The following ZNHIT6 variants were observed in gnomAD, a reference collection of about 807,000 sequenced individuals.
ZNHIT6 encodes box C/D snoRNA protein 1.
Under a neutral mutation model 57.2 loss-of-function variants are expected in ZNHIT6, and 45 were observed. The ratio of observed to expected loss-of-function variants is 0.79; its 90% confidence interval spans 0.62 to 1.01. The LOEUF is 1.01. Ranked by LOEUF, ZNHIT6 falls within the 50% of genes least tolerant of loss-of-function variation. The probability of loss-of-function intolerance (pLI) is 0.00; values close to 1 mark genes in which losing one functional copy is unlikely to be tolerated. For missense variants in ZNHIT6, 528 were observed against 567.3 expected, an observed-to-expected ratio of 0.93 and a Z score of 0.70; for synonymous variants, 188 against 190.0, an observed-to-expected ratio of 0.99 and a Z score of 0.09.
chr1:85,689,113 A>C (rs1229934392), intron 5 of ZNHIT6, among the ~76,000 whole-genome samples: 1 of 152,232 alleles, frequency 6.6e-6, no homozygotes, highest in Non-Finnish European at 1.5e-5. Context: ...TGACATCTGG[A>C]AGCAGCGAAT....
At chr1:85,676,062 C>T (rs1006365550) in intron 8 of ZNHIT6, among the ~76,000 whole-genome samples, 2 of 152,120 alleles carry the variant, frequency 1.3e-5, no homozygotes, top group African/African-American at 4.8e-5. Context: ...ACTGGCCGGG[C>T]GCGGTGGCTC....
intron 6 of ZNHIT6, among the ~76,000 whole-genome samples, 167 bp from the exon 7 acceptor site, chr1:85,678,948 C>A (rs1661784635): frequency 6.6e-6 from 1 of 151,880 alleles, no homozygotes; most frequent in Non-Finnish European, 1.5e-5. Context: ...GCAAAAATTA[C>A]TTAGGAAAAA....
intron 5 of ZNHIT6, among the ~76,000 whole-genome samples, chr1:85,697,729 TAAC>T (rs925372417): frequency 2.0e-5 from 3 of 152,150 alleles, no homozygotes; most frequent in African/African-American, 4.8e-5. Context: ...TATTAATAAA[TAAC>T]AACAAACAAA....
chr1:85,668,774 AT>A (rs1211635655), intron 8 of ZNHIT6, among the ~76,000 whole-genome samples: 7 of 152,238 alleles, frequency 4.6e-5, no homozygotes, highest in South Asian at 2.1e-4. Flanking sequence ...GTAAAATGTG[AT>A]TTTAAAAAAA....
chr1:85,707,575 A>G (rs1050743656), intron 1 of ZNHIT6, 54 bp downstream of exon 1: 43 of 1,494,632 alleles, frequency 2.9e-5, no homozygotes, highest in Non-Finnish European at 3.8e-5. Flanking sequence ...CCTTCACTCT[A>G]GACATGAGGA....
At position 85,707,708 on chromosome 1, in the gene ZNHIT6, T is replaced by C. The variant is rs772431316; in HGVS notation, c.577A>G (p.Ile193Val). 1.9e-6 allele frequency: 3 copies of C among 1,610,282 alleles called. No individual in the cohort carries two copies. The South Asian group carries it at 3.3e-5, about 18-fold the overall frequency. ...KEEKDFLKKEIVDDTKVKEEP... is the reference protein window; with the variant it reads ...KEEKDFLKKEVVDDTKVKEEP... ...TCTTTCACCTTTGTATCATCCACGATTTCTTTCTTCAGGAAATCCTTCTCT... is the reference window on the plus strand; with the variant it reads ...TCTTTCACCTTTGTATCATCCACGACTTCTTTCTTCAGGAAATCCTTCTCT... The change falls in exon 1 of 10, where the codon ATC becomes GTC. Residue 193 changes from isoleucine to valine, a missense_variant. Transcript: ENST00000370574.
intron 4 of ZNHIT6, among the ~76,000 whole-genome samples, chr1:85,703,957 A>C (rs945412567): frequency 4.6e-5 from 7 of 152,202 alleles, no homozygotes; most frequent in African/African-American, 1.7e-4. Flanking sequence ...TGAAAAGATG[A>C]GCAAAAGACT....
intron 9 of ZNHIT6, 99 bp from the exon 10 acceptor site, chr1:85,654,197 C>T (rs1418346103): frequency 1.0e-6 from 1 of 1,003,268 alleles, no homozygotes; most frequent in Non-Finnish European, 1.5e-6. Flanking sequence ...ACAGCAAAAG[C>T]ACTGCTCACA....
Position 85,706,493 on chromosome 1 carries a change from C to T in ZNHIT6, c.671G>A (p.Gly224Asp). The change falls in exon 2 of 10, where the codon GGT becomes GAT. Residue 224 changes from glycine (G) to aspartate (D), a missense_variant. Coordinates refer to ENST00000370574, the MANE Select transcript of ZNHIT6 (RefSeq NM_017953.4). ...ACATCTGTACTTTGCTTCTTCTGTA[C>T]CACAAGTCTCACACCTACAAAAGCC... Reference protein sequence around the residue: ...KLAMSRCETCGTEEAKYRCPR... With the variant: ...KLAMSRCETCDTEEAKYRCPR... The T allele has an allele frequency of 6.3e-7, 1 of 1,579,220 alleles. No homozygotes were observed. The highest frequency in any genetic ancestry group is 8.5e-7 in the Non-Finnish European group (1 of 1,171,070).
intron 8 of ZNHIT6, among the ~76,000 whole-genome samples, chr1:85,667,383 T>C (rs1203386668): frequency 2.0e-5 from 3 of 152,164 alleles, no homozygotes; most frequent in Non-Finnish European, 1.5e-5. Context: ...ACAATTCTTG[T>C]GTGTGTTTGG....
At chr1:85,701,063 T>G (rs1245290097) in intron 5 of ZNHIT6, among the ~76,000 whole-genome samples, 1 of 152,216 alleles carries the variant, frequency 6.6e-6, no homozygotes, top group African/African-American at 2.4e-5. Context: ...TGCTTCAGCA[T>G]TACTTTACTT....
chr1:85,700,066 A>G (rs1014293510), intron 5 of ZNHIT6, among the ~76,000 whole-genome samples: 9 of 152,206 alleles, frequency 5.9e-5, no homozygotes, highest in African/African-American at 2.2e-4. Context: ...TATTAGATGA[A>G]AAAAGGAGAA....
At chr1:85,655,342 G>A (rs1661032319) in intron 9 of ZNHIT6, among the ~76,000 whole-genome samples, 1 of 152,118 alleles carries the variant, frequency 6.6e-6, no homozygotes. Flanking sequence ...AGGTGAGCGA[G>A]GGAGAATGGA....
intron 8 of ZNHIT6, among the ~76,000 whole-genome samples, chr1:85,665,649 T>C (rs1329777406): frequency 5.3e-5 from 8 of 152,160 alleles, no homozygotes; most frequent in Admixed American, 5.2e-4. Flanking sequence ...CTAATTAATG[T>C]AGGGATTTTA....
chr1:85,669,396 C>T (rs1444512254), intron 8 of ZNHIT6, among the ~76,000 whole-genome samples: 1 of 152,078 alleles, frequency 6.6e-6, no homozygotes, highest in Admixed American at 6.6e-5. Flanking sequence ...GGTAAAATAG[C>T]CTTAGTTTTT....
At chr1:85,660,901 T>C (rs1661204156) in intron 8 of ZNHIT6, among the ~76,000 whole-genome samples, 1 of 152,192 alleles carries the variant, frequency 6.6e-6, no homozygotes, top group African/African-American at 2.4e-5. Flanking sequence ...TTAGAATCAG[T>C]GGATTTTATT....
Position 85,708,128 on chromosome 1 carries a change from C to T in ZNHIT6, c.157G>A (p.Gly53Arg). The T allele has an allele frequency of 1.2e-6, 2 of 1,614,176 alleles. No individual in the cohort carries two copies. The highest frequency in any genetic ancestry group is 2.2e-5 in the East Asian group (1 of 44,874). The change falls in exon 1 of 10, where the codon GGG (glycine) becomes AGG (arginine). Residue 53 changes from glycine to arginine, a missense_variant. Transcript: ENST00000370574. ...TCTCCATCCCCTATCTCCTTTATCC[C>T]TGTCAGCCCTGTCCCCTCCTCTCCG... ...GGGEEGTGLT[G>R]IKEIGDGEEG...
chr1:85,702,283 C>G, intron 4 of ZNHIT6, 23 bp from the exon 5 acceptor site: 1 of 1,368,996 alleles, frequency 7.3e-7, no homozygotes, highest in Non-Finnish European at 1.0e-6. Context: ...ACCAAACAGA[C>G]AAATTAATTT....
At chr1:85,677,007 T>C (rs928121932) in intron 8 of ZNHIT6, among the ~76,000 whole-genome samples, 1 of 152,248 alleles carries the variant, frequency 6.6e-6, no homozygotes, top group Admixed American at 6.5e-5. Context: ...TTTAAAATAT[T>C]CTATTTCCCC....
Sources: allele counts gnomAD v4.1 joint callset (sites outside exome capture counted in the v4.1 genomes callset), GRCh38; gene constraint gnomAD v4.1.1; transcripts MANE v1.5; gene names NCBI Gene and HGNC (gene_info 2026-07-23, HGNC 2026-07-21).